GRM5: variants seen among roughly 807,000 people sequenced by gnomAD.
GRM5 encodes the protein metabotropic glutamate receptor 5.
A neutral mutation model predicts 83.1 loss-of-function variants in GRM5; 19 were observed. The observed-to-expected ratio is 0.23, with a 90% CI of 0.16 to 0.34. The LOEUF is 0.34. Ranked by LOEUF, GRM5 falls within the 10% of genes least tolerant of loss-of-function variation. The probability of loss-of-function intolerance (pLI) is 1.00; values close to 1 mark genes in which losing one functional copy is unlikely to be tolerated. For synonymous variants in GRM5, 675 were observed against 633.6 expected, an observed-to-expected ratio of 1.07 and a Z score of -0.98; for missense variants, 1,160 against 1,588.3, an observed-to-expected ratio of 0.73 and a Z score of 4.58.
chr11:88,661,912 A>G (rs952955341), intron 3 of GRM5, among the ~76,000 whole-genome samples: 4 of 152,138 alleles, frequency 2.6e-5, no homozygotes, highest in African/African-American at 7.2e-5. Context: ...AAAAAGAATC[A>G]AAATTTAGAA....
In GRM5 at chr11:88,885,450, G is replaced by GTTTTTTTTTTTTTTTTTTTTTTTTTT. The variant is rs61456975; in HGVS notation, c.662-35321_662-35296dup. ...TTCTGAATTCTATAGTAGGTACCAT[G>GTTTTTTTTTTTTTTTTTTTTTTTTTT]TTTTTTTTTTTTTTTTTTTTTTTTT... On this transcript the variant is annotated intron_variant, in intron 2 of 9. Coordinates refer to ENST00000305447, the MANE Select transcript of GRM5 (RefSeq NM_001143831.3). Among the ~76,000 whole-genome samples, 2 of 62,666 alleles carry GTTTTTTTTTTTTTTTTTTTTTTTTTT rather than the reference G, an allele frequency of 3.2e-5. 1 individual carries two copies. Among genetic ancestry groups the GTTTTTTTTTTTTTTTTTTTTTTTTTT allele is most frequent in the African/African-American group, 1.2e-4 (2 of 16,858 alleles). The allele number at this position is 62,666 out of a possible 152,430, so 41.1% of individuals were successfully genotyped here.
intron 3 of GRM5, among the ~76,000 whole-genome samples, chr11:88,714,806 C>A (rs1348993211): frequency 1.3e-5 from 2 of 151,860 alleles, no homozygotes; most frequent in African/African-American, 4.8e-5. Context: ...CTAGTTCTTC[C>A]TGAGGACAAG....
At chr11:88,992,882 G>C (rs1940031247) in intron 2 of GRM5, among the ~76,000 whole-genome samples, 1 of 135,206 alleles carries the variant, frequency 7.4e-6, no homozygotes, top group Non-Finnish European at 1.6e-5. Flanking sequence ...TGGGGGAGGG[G>C]GGAGGGATAG....
chr11:89,039,924 C>G (rs1004438185), intron 2 of GRM5, among the ~76,000 whole-genome samples: 2 of 152,170 alleles, frequency 1.3e-5, no homozygotes, highest in Non-Finnish European at 2.9e-5. Context: ...CACAGTCTCC[C>G]AAGGAGCTGG....
chr11:88,951,339 T>C lies in GRM5; in HGVS notation c.661+95873A>G, dbSNP rs540451986. ...ATTATTCTAGGGTTAAATGGGATAT[T>C]GACAAATTAGATTTTGGGAGATATG... On this transcript the variant is annotated intron_variant, in intron 2 of 9. Transcript: ENST00000305447. Among the ~76,000 whole-genome samples, 18 of 152,298 alleles carry C rather than the reference T, an allele frequency of 1.2e-4. No individual in the cohort carries two copies. In the South Asian group the frequency reaches 3.7e-3, roughly 32 times the overall value.
intron 2 of GRM5, among the ~76,000 whole-genome samples, chr11:88,917,011 A>G (rs1197937065): frequency 4.6e-5 from 7 of 152,130 alleles, no homozygotes. Flanking sequence ...GCCAGACACT[A>G]GTCACCATAG....
At chr11:88,510,764 C>A (rs979249540) in intron 9 of GRM5, among the ~76,000 whole-genome samples, 13 of 152,188 alleles carry the variant, frequency 8.5e-5, no homozygotes, top group African/African-American at 3.1e-4. Context: ...GATCAACCTG[C>A]CTCAGCCTCC....
intron 7 of GRM5, among the ~76,000 whole-genome samples, chr11:88,583,419 C>T (rs1254384551): frequency 6.6e-6 from 1 of 152,150 alleles, no homozygotes; most frequent in Non-Finnish European, 1.5e-5. Flanking sequence ...ATACATATTG[C>T]CTTGGATGGA....
chr11:88,804,812 G>T (rs573296114), intron 3 of GRM5, among the ~76,000 whole-genome samples: 1 of 152,138 alleles, frequency 6.6e-6, no homozygotes, highest in Non-Finnish European at 1.5e-5. Flanking sequence ...AGATATTGGA[G>T]ATTCAGAAAC....
intron 2 of GRM5, among the ~76,000 whole-genome samples, chr11:88,972,723 C>T (rs1207885510): frequency 6.6e-6 from 1 of 152,072 alleles, no homozygotes; most frequent in African/African-American, 2.4e-5. Flanking sequence ...CACATAGTCT[C>T]AAAGTAACTT....
chr11:88,647,228 T>C (rs1939484365), intron 4 of GRM5, among the ~76,000 whole-genome samples: 1 of 152,056 alleles, frequency 6.6e-6, no homozygotes, highest in African/African-American at 2.4e-5. Context: ...CCTTATTAGT[T>C]ATACTTGCAA....
In GRM5 at chr11:88,797,218, C is replaced by T. The variant is rs142277179; in HGVS notation, c.911+52688G>A. ...AGGCTGGAGTGCAGTGGTGCAATCTCGGCTCACTGCAACCTCCGCCTCCTG... is the reference window on the plus strand; with the variant it reads ...AGGCTGGAGTGCAGTGGTGCAATCTTGGCTCACTGCAACCTCCGCCTCCTG... On this transcript the variant is annotated intron_variant, in intron 3 of 9. Transcript: ENST00000305447. Among the ~76,000 whole-genome samples, 1,180 of 152,116 alleles carry T rather than the reference C, an allele frequency of 7.8e-3. 25 individuals carry two copies. The highest frequency in any genetic ancestry group is 0.072 in the East Asian group (373 of 5,162).
intron 8 of GRM5, among the ~76,000 whole-genome samples, chr11:88,558,799 C>CAAAAA (rs71265014): frequency 4.6e-5 from 1 of 21,908 alleles, no homozygotes. Context: ...GACTCCATCT[C>CAAAAA]AAAAAAAAAA....
intron 2 of GRM5, among the ~76,000 whole-genome samples, chr11:89,002,248 G>A (rs931309647): frequency 1.3e-5 from 2 of 152,110 alleles, no homozygotes; most frequent in Non-Finnish European, 2.9e-5. Flanking sequence ...TTTAAATAAA[G>A]TCATAACAAA....
At chr11:88,724,211 A>C (rs1303812810) in intron 3 of GRM5, among the ~76,000 whole-genome samples, 2 of 152,146 alleles carry the variant, frequency 1.3e-5, no homozygotes, top group Non-Finnish European at 2.9e-5. Context: ...CTAATCTGCC[A>C]CTGAGCCTAA....
chr11:88,556,563 C>T (rs191871449), intron 8 of GRM5, among the ~76,000 whole-genome samples: 55 of 152,090 alleles, frequency 3.6e-4, no homozygotes, highest in Admixed American at 2.6e-3. Flanking sequence ...CCTCATGATC[C>T]GCCTGCCTTA....
intron 3 of GRM5, among the ~76,000 whole-genome samples, chr11:88,757,893 T>C (rs867138201): frequency 1.8e-4 from 28 of 152,202 alleles, no homozygotes; most frequent in Admixed American, 1.5e-3. Flanking sequence ...CGCCCACCGA[T>C]TGTAGTTGGT....
intron 3 of GRM5, among the ~76,000 whole-genome samples, chr11:88,812,399 G>A (rs1590876558): frequency 6.6e-6 from 1 of 152,118 alleles, no homozygotes; most frequent in African/African-American, 2.4e-5. Context: ...AGAGGATCTT[G>A]TCTAACACAT....
chr11:89,062,195 A>G (rs1180211277), intron 1 of GRM5, among the ~76,000 whole-genome samples: 1 of 152,222 alleles, frequency 6.6e-6, no homozygotes, highest in Non-Finnish European at 1.5e-5. Context: ...TACATGTGTA[A>G]TTACATTGAG....
Sources: gnomAD v4.1 joint callset for allele counts (sites outside exome capture counted in the v4.1 genomes callset) on GRCh38, gnomAD v4.1.1 for gene constraint, MANE v1.5 for transcripts, NCBI Gene and HGNC (gene_info 2026-07-23, HGNC 2026-07-21) for gene names.